The following LRRC4C variants were observed in gnomAD, a reference collection of about 807,000 sequenced individuals.
The protein encoded by LRRC4C is leucine rich repeat containing 4C.
LRRC4C carries 5 observed loss-of-function variants against 33.6 expected under a neutral mutation model. The ratio of observed to expected loss-of-function variants is 0.15; its 90% CI spans 0.08 to 0.31. LRRC4C has a LOEUF of 0.31. Among genes scored for constraint, LRRC4C ranks in the 10% least tolerant of loss-of-function variants. The pLI is 1.00. For missense variants in LRRC4C, 560 were observed against 796.7 expected (o/e 0.70, Z 3.58); for synonymous variants, 329 against 302.0 (o/e 1.09, Z -0.93).
At chr11:40,331,860 G>C (rs74632184) in intron 3 of LRRC4C, among the ~76,000 whole-genome samples, 2,065 of 152,234 alleles carry the variant, frequency 0.014, 42 homozygotes, top group African/African-American at 0.047. Context: ...GCAGCATATT[G>C]TGGTACTTCA....
chr11:40,752,869 T>G (rs549899865), intron 2 of LRRC4C, among the ~76,000 whole-genome samples: 5 of 152,084 alleles, frequency 3.3e-5, no homozygotes, highest in African/African-American at 7.2e-5. Context: ...GGAATCAACC[T>G]AAGTATCTGT....
intron 1 of LRRC4C, among the ~76,000 whole-genome samples, chr11:41,253,629 A>C (rs1948711024): frequency 6.6e-6 from 1 of 152,122 alleles, no homozygotes; most frequent in South Asian, 2.1e-4. Flanking sequence ...AAGTCTTGTC[A>C]CATCCCTGGC....
At position 40,711,019 on chromosome 11, in the gene LRRC4C, C is replaced by T. The variant is rs561193211; in HGVS notation, c.-406-62741G>A. ...TGAGCCAGGCGTGGGATAAAATCTCCTGGTGTGCCATTTGCTAAGACCACT... is the reference window on the plus strand; with the variant it reads ...TGAGCCAGGCGTGGGATAAAATCTCTTGGTGTGCCATTTGCTAAGACCACT... On this transcript the variant is annotated intron_variant, in intron 2 of 6. Transcript: ENST00000528697. 9.2e-5 allele frequency among the ~76,000 whole-genome samples: 14 copies of T among 152,334 alleles called. No individual in the cohort carries two copies. In the South Asian group the frequency reaches 2.9e-3, roughly 32 times the overall value.
chr11:40,657,671 C>G (rs1026822169), intron 2 of LRRC4C, among the ~76,000 whole-genome samples: 10 of 152,178 alleles, frequency 6.6e-5, no homozygotes, highest in African/African-American at 2.4e-4. Context: ...CCAGACCAAG[C>G]CAATGTACTT....
intron 5 of LRRC4C, among the ~76,000 whole-genome samples, chr11:40,187,529 G>A (rs527859402): frequency 5.3e-5 from 8 of 151,954 alleles, no homozygotes; most frequent in Admixed American, 4.6e-4. Flanking sequence ...ATCTTCTCTT[G>A]AAAAGGAGCA....
intron 1 of LRRC4C, among the ~76,000 whole-genome samples, chr11:41,367,977 T>G (rs997893640): frequency 6.6e-6 from 1 of 152,208 alleles, no homozygotes; most frequent in African/African-American, 2.4e-5. Flanking sequence ...GCAATTTTTT[T>G]GCCTTAGATT....
chr11:40,421,207 A>T (rs1347557313), intron 3 of LRRC4C, among the ~76,000 whole-genome samples: 1 of 152,206 alleles, frequency 6.6e-6, no homozygotes, highest in Non-Finnish European at 1.5e-5. Context: ...TTGAAATCTT[A>T]GTTTAATAGC....
chr11:40,289,531 C>A (rs1275151715), intron 4 of LRRC4C, among the ~76,000 whole-genome samples: 1 of 152,188 alleles, frequency 6.6e-6, no homozygotes, highest in Non-Finnish European at 1.5e-5. Flanking sequence ...CAACTGCTTA[C>A]TCACAAATGT....
chr11:40,584,702 C>T (rs1311926237), intron 3 of LRRC4C, among the ~76,000 whole-genome samples: 1 of 151,832 alleles, frequency 6.6e-6, no homozygotes, highest in Non-Finnish European at 1.5e-5. Flanking sequence ...GAGGCCGAGG[C>T]GGGTGGATCA....
At chr11:41,103,129 C>A (rs902736835) in intron 1 of LRRC4C, among the ~76,000 whole-genome samples, 1 of 151,866 alleles carries the variant, frequency 6.6e-6, no homozygotes, top group East Asian at 1.9e-4. Context: ...GACAACATGG[C>A]CTGTTCCTTA....
intron 3 of LRRC4C, among the ~76,000 whole-genome samples, chr11:40,438,085 T>C (rs2137926359): frequency 6.6e-6 from 1 of 152,348 alleles, no homozygotes; most frequent in East Asian, 1.9e-4. Context: ...CACTGAATGT[T>C]GACCTTACCT....
At chr11:40,775,251 A>G (rs1364910538) in intron 2 of LRRC4C, among the ~76,000 whole-genome samples, 2 of 152,030 alleles carry the variant, frequency 1.3e-5, no homozygotes, top group Non-Finnish European at 2.9e-5. Context: ...TTTACTAAAA[A>G]TACAAAAAAT....
chr11:40,960,497 C>G (rs1850902261), intron 1 of LRRC4C, among the ~76,000 whole-genome samples: 1 of 151,590 alleles, frequency 6.6e-6, no homozygotes, highest in Non-Finnish European at 1.5e-5. Context: ...TGGGAAAGCC[C>G]ATGGGTTATT....
intron 1 of LRRC4C, among the ~76,000 whole-genome samples, chr11:41,378,560 G>T: frequency 6.6e-6 from 1 of 152,112 alleles, no homozygotes; most frequent in East Asian, 1.9e-4. Flanking sequence ...TATCCATGCG[G>T]TATGCTCAAG....
At chr11:40,353,928 C>A (rs1947535126) in intron 3 of LRRC4C, among the ~76,000 whole-genome samples, 1 of 152,074 alleles carries the variant, frequency 6.6e-6, no homozygotes, top group African/African-American at 2.4e-5. Context: ...GATGTCTAGG[C>A]ATTGAAGAGT....
chr11:40,147,132 A>G lies in LRRC4C; in HGVS notation c.-95-6279T>C, dbSNP rs893003437. ...TGTTGCAAGTGCCTGACTTTTTCCC[A>G]ACTTCATTAGCCCTTCTCTCAATTT... On this transcript the variant is annotated intron_variant, in intron 5 of 6. Coordinates refer to ENST00000528697, the MANE Select transcript of LRRC4C (RefSeq NM_001258419.2). Among the ~76,000 whole-genome samples, 15 of 152,116 alleles carry G rather than the reference A, an allele frequency of 9.9e-5. 1 individual carries two copies. Among genetic ancestry groups the G allele is most frequent in the Admixed American group, 1.3e-4 (2 of 15,264 alleles).
At chr11:40,740,451 G>A (rs1274437316) in intron 2 of LRRC4C, among the ~76,000 whole-genome samples, 1 of 151,684 alleles carries the variant, frequency 6.6e-6, no homozygotes, top group Admixed American at 6.6e-5. Flanking sequence ...CCTCTTTTGG[G>A]AAAGTCAATT....
chr11:41,335,547 G>A (rs1951426857), intron 1 of LRRC4C, among the ~76,000 whole-genome samples: 1 of 152,240 alleles, frequency 6.6e-6, no homozygotes, highest in Non-Finnish European at 1.5e-5. Context: ...TTCTTCCATA[G>A]AGGGTAGAAT....
chr11:40,742,044 T>A (rs1948182357), intron 2 of LRRC4C, among the ~76,000 whole-genome samples: 1 of 152,042 alleles, frequency 6.6e-6, no homozygotes, highest in Non-Finnish European at 1.5e-5. Flanking sequence ...GAAAAAAATC[T>A]AATATTGCCA....
Sources: gnomAD v4.1 joint callset for allele counts (sites outside exome capture counted in the v4.1 genomes callset) on GRCh38, gnomAD v4.1.1 for gene constraint, MANE v1.5 for transcripts, NCBI Gene and HGNC (gene_info 2026-07-23, HGNC 2026-07-21) for gene names.